CACNG7: variants seen among roughly 807,000 people sequenced by gnomAD.
CACNG7 encodes calcium voltage-gated channel auxiliary subunit gamma 7, also known as voltage-dependent calcium channel gamma-7 subunit.
In CACNG7, 9 loss-of-function variants were observed where a neutral mutation model predicts 26.3. That is an observed-to-expected ratio of 0.34 (90% confidence interval 0.21 to 0.60). The LOEUF (loss-of-function observed/expected upper bound fraction) is 0.60. Ranked by LOEUF, CACNG7 falls within the 20% of genes least tolerant of loss-of-function variation. The pLI is 0.81. For synonymous variants in CACNG7, 170 were observed against 157.0 expected (o/e 1.08, Z -0.62); for missense variants, 297 against 380.4 (o/e 0.78, Z 1.82).
intron 4 of CACNG7, among the ~76,000 whole-genome samples, chr19:53,921,345 GCTGGTCATTGGTGGAGTCGTCCCCAGGT>G (rs2068948940): frequency 1.4e-5 from 2 of 137,932 alleles, no homozygotes; most frequent in Non-Finnish European, 3.1e-5. Context: ...CTTGCCCCAG[GCTGGTCATTGGTGGAGTCGTCCCCAGGT>G]CTGGTCATTG....
chr19:53,924,792 T>A (rs34394667), intron 4 of CACNG7, among the ~76,000 whole-genome samples: 1 of 109,740 alleles, frequency 9.1e-6, no homozygotes, highest in Non-Finnish European at 1.9e-5. Flanking sequence ...ACTTGCCTAG[T>A]GCTGGTCATT....
chr19:53,915,783 C>T (rs1472072354), intron 4 of CACNG7, among the ~76,000 whole-genome samples: 1 of 152,158 alleles, frequency 6.6e-6, no homozygotes, highest in Non-Finnish European at 1.5e-5. Context: ...CTATTAATAG[C>T]CCATTTTACA....
rs953131217 is a variant in CACNG7, at chr19:53,934,641, C to T, written c.425-6829C>T. ...AAAAAAAATTAGCCAGGTGTGGTGG[C>T]GCATGCCTGTTGTCCCAGCTACTCC... On this transcript the variant is annotated intron_variant, in intron 4 of 5. Transcript: ENST00000391767. 5.9e-5 allele frequency among the ~76,000 whole-genome samples: 9 copies of T among 151,788 alleles called. No homozygotes were observed. In the East Asian group the frequency reaches 7.7e-4, roughly 13 times the overall value.
At chr19:53,924,251 G>C (rs1239431823) in intron 4 of CACNG7, among the ~76,000 whole-genome samples, 18 of 134,934 alleles carry the variant, frequency 1.3e-4, no homozygotes, top group South Asian at 7.2e-4. Context: ...CATTGGTGGA[G>C]TTGCCCCAGG....
intron 4 of CACNG7, among the ~76,000 whole-genome samples, chr19:53,918,783 T>C (rs1187175912): frequency 6.6e-6 from 1 of 152,246 alleles, no homozygotes; most frequent in Admixed American, 6.5e-5. Context: ...TTTTTATTTT[T>C]TTGAGATGGA....
chr19:53,911,931 G>A (rs773431302), intron 1 of CACNG7, among the ~76,000 whole-genome samples: 3 of 152,162 alleles, frequency 2.0e-5, no homozygotes, highest in Non-Finnish European at 4.4e-5. Context: ...TCTGCTCAAA[G>A]TCTTAGATAG....
At chr19:53,919,298 G>C (rs993422450) in intron 4 of CACNG7, among the ~76,000 whole-genome samples, 2 of 152,276 alleles carry the variant, frequency 1.3e-5, no homozygotes, top group South Asian at 4.1e-4. Flanking sequence ...AGGCCTCAGA[G>C]AGAGAAAGAC....
chr19:53,921,497 T>G (rs2068951629), intron 4 of CACNG7, among the ~76,000 whole-genome samples: 1 of 148,190 alleles, frequency 6.7e-6, no homozygotes, highest in African/African-American at 2.6e-5. Flanking sequence ...ATTGGTGGAG[T>G]TGCCCCAGGT....
At chr19:53,931,043 A>G (rs543935512) in intron 4 of CACNG7, among the ~76,000 whole-genome samples, 3 of 152,166 alleles carry the variant, frequency 2.0e-5, no homozygotes, top group African/African-American at 7.2e-5. Flanking sequence ...AAAAATTACC[A>G]AAAGTCAGCC....
At position 53,922,258 on chromosome 19, in the gene CACNG7, C is replaced by G. The variant is rs1208575342; in HGVS notation, c.424+6753C>G. ...GGTCTGGTCATTGGTGGAGTTGTCCCCAGGTCTGGTCATTGGTGCAGTTGC... is the reference window on the plus strand; with the variant it reads ...GGTCTGGTCATTGGTGGAGTTGTCCGCAGGTCTGGTCATTGGTGCAGTTGC... On this transcript the variant is annotated intron_variant, in intron 4 of 5. Coordinates refer to ENST00000391767, the MANE Select transcript of CACNG7 (RefSeq NM_031896.5). Among the ~76,000 whole-genome samples, 2 of 113,130 alleles carry G rather than the reference C, an allele frequency of 1.8e-5. 1 individual carries two copies. The highest frequency in any genetic ancestry group is 7.6e-5 in the African/African-American group (2 of 26,192). The allele number at this position is 113,130 out of a possible 152,430, so 74.2% of individuals were successfully genotyped here. A position where few individuals can be genotyped will look rare whatever the true frequency, so the allele number is the denominator to read the frequency against.
At chr19:53,937,919 A>G (rs546808423) in intron 4 of CACNG7, among the ~76,000 whole-genome samples, 1 of 152,188 alleles carries the variant, frequency 6.6e-6, no homozygotes, top group South Asian at 2.1e-4. Context: ...AGAGGCAACA[A>G]GTGAGGAGAG....
rs1486179036 is a variant in CACNG7, at chr19:53,926,859, G to A, written c.424+11354G>A. ...ACCTGGAAGGTGAAGGCTGCACTAA[G>A]CCAAGATCATGCCACTGCACTCTAG... On this transcript the variant is annotated intron_variant, in intron 4 of 5. Transcript: ENST00000391767. 2.0e-5 allele frequency among the ~76,000 whole-genome samples: 3 copies of A among 152,314 alleles called. No homozygotes were observed. In the East Asian group the frequency reaches 5.8e-4, roughly 29 times the overall value.
chr19:53,922,978 G>T (rs75363233), intron 4 of CACNG7, among the ~76,000 whole-genome samples: 1 of 98,060 alleles, frequency 1.0e-5, no homozygotes, highest in Non-Finnish European at 1.9e-5. Flanking sequence ...GTCATTGGTG[G>T]AGTTGTCCCA....
At chr19:53,930,906 T>TA (rs1258821874) in intron 4 of CACNG7, among the ~76,000 whole-genome samples, 1 of 152,194 alleles carries the variant, frequency 6.6e-6, no homozygotes, top group African/African-American at 2.4e-5. Flanking sequence ...AATTAAGTGT[T>TA]AGTATGCATC....
intron 5 of CACNG7, 63 bp from the exon 6 acceptor site, chr19:53,941,973 T>A: frequency 6.7e-7 from 1 of 1,495,042 alleles, no homozygotes. Flanking sequence ...TGAGAGGAGA[T>A]GAGTCGGGGT....
At position 53,925,500 on chromosome 19, in the gene CACNG7, C is replaced by G. The variant is rs76559680; in HGVS notation, c.424+9995C>G. ...TTGCCCCAGGCTGGTCATTGGTGGA[C>G]TTGCCCCAGGCTGGTCATTGGTGGA... is the stretch of plus-strand genomic sequence containing the variant. On this transcript the variant is annotated intron_variant, in intron 4 of 5. Coordinates refer to ENST00000391767, the MANE Select transcript of CACNG7 (RefSeq NM_031896.5). 8.7e-4 allele frequency among the ~76,000 whole-genome samples: 79 copies of G among 90,560 alleles called. 1 individual carries two copies. In the East Asian group the frequency reaches 0.012, roughly 14 times the overall value. The allele number at this position is 90,560 out of a possible 152,430, so 59.4% of individuals were successfully genotyped here. A position where few individuals can be genotyped will look rare whatever the true frequency, so the allele number is the denominator to read the frequency against.
intron 4 of CACNG7, among the ~76,000 whole-genome samples, chr19:53,931,121 A>C (rs1483554368): frequency 6.6e-6 from 1 of 152,078 alleles, no homozygotes; most frequent in Non-Finnish European, 1.5e-5. Context: ...GCTTGAGCCC[A>C]GGAGGCAGAG....
intron 4 of CACNG7, among the ~76,000 whole-genome samples, chr19:53,935,268 T>C (rs536129632): frequency 6.6e-6 from 1 of 152,054 alleles, no homozygotes; most frequent in African/African-American, 2.4e-5. Context: ...GTCTATAAAA[T>C]ACTATAGCTA....
intron 4 of CACNG7, among the ~76,000 whole-genome samples, chr19:53,923,972 TGGA>T (rs1370447876): frequency 2.8e-5 from 3 of 106,720 alleles, no homozygotes; most frequent in Non-Finnish European, 5.6e-5. Context: ...CTGGTATTGG[TGGA>T]GTTGTCCCCA....
Sources: gnomAD v4.1 joint callset for allele counts (sites outside exome capture counted in the v4.1 genomes callset) on GRCh38, gnomAD v4.1.1 for gene constraint, MANE v1.5 for transcripts, NCBI Gene and HGNC (gene_info 2026-07-23, HGNC 2026-07-21) for gene names.